SH3GL3: variants seen among roughly 807,000 people sequenced by gnomAD.
SH3GL3 encodes the protein SH3 domain containing GRB2 like 3, endophilin A3.
In SH3GL3, 33 loss-of-function variants were observed where a neutral mutation model predicts 47.7. That is an observed-to-expected ratio of 0.69 (90% CI 0.52 to 0.92). The LOEUF (loss-of-function observed/expected upper bound fraction) is 0.92, where lower values mean the gene tolerates loss of function less well. Ranked by LOEUF, SH3GL3 falls within the 40% of genes least tolerant of loss-of-function variation. The probability of loss-of-function intolerance (pLI) is 0.00; values close to 1 mark genes in which losing one functional copy is unlikely to be tolerated. For missense variants in SH3GL3, 363 were observed against 417.8 expected (o/e 0.87, Z 1.14); for synonymous variants, 155 against 148.8 (o/e 1.04, Z -0.30).
downstream of SH3GL3, among the ~76,000 whole-genome samples, chr15:83,620,933 T>G (rs574249961): frequency 2.6e-4 from 39 of 152,326 alleles, no homozygotes; most frequent in Non-Finnish European, 5.3e-4. Context: ...TCTGGATAAC[T>G]TACTTCTCCA....
Position 83,447,963 on chromosome 15 carries a change from CG to C in SH3GL3, c.45+386del, listed in dbSNP as rs1462551797. On this transcript the variant is annotated intron_variant, in intron 1 of 8. Coordinates refer to ENST00000427482, the MANE Select transcript of SH3GL3 (RefSeq NM_003027.5). The surrounding 1 kb of genome is among the most constrained non-coding windows in gnomAD (Gnocchi z 5.1). ...GCAGGGCCTCCCCCGAGTCTCCAGC[CG>C]TTTGGTTGGGAGAGCCTCGTGGGGG... Among the ~76,000 whole-genome samples, 1 of 152,132 alleles carries C rather than the reference CG, an allele frequency of 6.6e-6. No homozygotes were observed. The highest frequency in any genetic ancestry group is 1.5e-5 in the Non-Finnish European group (1 of 68,022).
At chr15:83,591,525 G>A (rs2060098425) in intron 8 of SH3GL3, among the ~76,000 whole-genome samples, 1 of 150,850 alleles carries the variant, frequency 6.6e-6, no homozygotes, top group Non-Finnish European at 1.5e-5. Context: ...TGTGTATGTA[G>A]TTTAAAAAGA....
chr15:83,485,540 G>A (rs769320187), intron 1 of SH3GL3, among the ~76,000 whole-genome samples: 1 of 152,112 alleles, frequency 6.6e-6, no homozygotes, highest in African/African-American at 2.4e-5. Flanking sequence ...CTAGAGTACA[G>A]CAGCATGATC....
At chr15:83,535,955 T>C (rs1240822236) in intron 1 of SH3GL3, among the ~76,000 whole-genome samples, 1 of 152,188 alleles carries the variant, frequency 6.6e-6, no homozygotes, top group African/African-American at 2.4e-5. Flanking sequence ...ATTGCCCAAC[T>C]TGGAGAAGTT....
intron 6 of SH3GL3, 123 bp from the exon 7 acceptor site, chr15:83,586,860 G>T: frequency 2.0e-6 from 1 of 510,140 alleles, no homozygotes. Flanking sequence ...GAAATTAAAT[G>T]AAATGGACCA....
intron 8 of SH3GL3, among the ~76,000 whole-genome samples, chr15:83,601,562 G>GATT (rs1264870495): frequency 1.3e-5 from 2 of 152,136 alleles, no homozygotes; most frequent in Non-Finnish European, 2.9e-5. Flanking sequence ...GATTGTGGTG[G>GATT]ATTATCTTTT....
chr15:83,621,654 A>C (rs988317904), downstream of SH3GL3, among the ~76,000 whole-genome samples: 1 of 152,268 alleles, frequency 6.6e-6, no homozygotes, highest in African/African-American at 2.4e-5. Flanking sequence ...CTGTTGAAAA[A>C]ATAACGCCGA....
intron 8 of SH3GL3, among the ~76,000 whole-genome samples, chr15:83,606,086 C>T (rs1280292730): frequency 1.3e-5 from 2 of 151,978 alleles, no homozygotes; most frequent in African/African-American, 4.8e-5. Flanking sequence ...AGGGGTACCA[C>T]TTTGTGTAAT....
At chr15:83,524,089 G>A (rs940258201) in intron 1 of SH3GL3, among the ~76,000 whole-genome samples, 17 of 152,286 alleles carry the variant, frequency 1.1e-4, no homozygotes, top group African/African-American at 4.1e-4. Flanking sequence ...GCAGTATTAG[G>A]AAGTGAATAT....
chr15:83,546,282 CAGA>C (rs1567323708), intron 1 of SH3GL3, among the ~76,000 whole-genome samples: 4 of 151,734 alleles, frequency 2.6e-5, no homozygotes, highest in Admixed American at 6.6e-5. Context: ...TTTCCTCAAG[CAGA>C]AGGAGTCTCT....
the SH3GL3 span, among the ~76,000 whole-genome samples, chr15:83,624,548 T>A: frequency 6.6e-6 from 1 of 152,220 alleles, no homozygotes; most frequent in Non-Finnish European, 1.5e-5. Context: ...ATTAAAGAGA[T>A]GTCAGAGCAT....
At chr15:83,630,855 A>G in the SH3GL3 span, among the ~76,000 whole-genome samples, 1 of 152,066 alleles carries the variant, frequency 6.6e-6, no homozygotes, top group South Asian at 2.1e-4. Context: ...CACAGCTCAA[A>G]ACACAATCAT....
In SH3GL3 at chr15:83,618,074, G is replaced by A. The variant is rs1455539417; in HGVS notation, c.839-8G>A. 1 of 1,593,494 alleles carries A rather than the reference G, an allele frequency of 6.3e-7. No individual in the cohort carries two copies. The highest frequency in any genetic ancestry group is 1.1e-5 in the South Asian group (1 of 90,654). ...TCTGTACTTTTTGTCTCCATATCAT[G>A]TGGACAGGTTCTAACATTCCCATGG... On this transcript the variant is annotated splice_polypyrimidine_tract_variant and splice_region_variant and intron_variant, in intron 8 of 8. Coordinates refer to ENST00000427482, the MANE Select transcript of SH3GL3 (RefSeq NM_003027.5).
intron 1 of SH3GL3, among the ~76,000 whole-genome samples, chr15:83,513,438 C>T (rs549517409): frequency 2.0e-4 from 31 of 152,344 alleles, no homozygotes; most frequent in Middle Eastern, 3.4e-3. Context: ...GGATGTGTCA[C>T]CCTCTGTCCC....
intron 1 of SH3GL3, among the ~76,000 whole-genome samples, chr15:83,463,390 T>C (rs2040400612): frequency 6.6e-6 from 1 of 151,958 alleles, no homozygotes; most frequent in African/African-American, 2.4e-5. Flanking sequence ...CATGAGCTTA[T>C]CCTTTTTGTC....
At chr15:83,457,947 A>AT (rs972718204) in intron 1 of SH3GL3, among the ~76,000 whole-genome samples, 4 of 152,154 alleles carry the variant, frequency 2.6e-5, no homozygotes, top group African/African-American at 4.8e-5. Context: ...GAAAGCAGGG[A>AT]TTTTTTTCCC....
At chr15:83,460,994 A>C (rs1429506341) in intron 1 of SH3GL3, among the ~76,000 whole-genome samples, 1 of 152,040 alleles carries the variant, frequency 6.6e-6, no homozygotes, top group African/African-American at 2.4e-5. Context: ...GAGGCAGGAG[A>C]ATGGTGTGAA....
intron 8 of SH3GL3, among the ~76,000 whole-genome samples, chr15:83,590,757 A>G (rs2060072598): frequency 6.6e-6 from 1 of 152,030 alleles, no homozygotes; most frequent in Non-Finnish European, 1.5e-5. Context: ...TCCATTTTCT[A>G]ATTGGATTGT....
chr15:83,544,354 T>C (rs936482777), intron 1 of SH3GL3, among the ~76,000 whole-genome samples: 1 of 152,116 alleles, frequency 6.6e-6, no homozygotes, highest in Non-Finnish European at 1.5e-5. Flanking sequence ...TTTTATTCCA[T>C]TGTGGTCAGA....
Sources: allele counts gnomAD v4.1 joint callset (sites outside exome capture counted in the v4.1 genomes callset), GRCh38; gene constraint gnomAD v4.1.1; non-coding constraint Gnocchi (gnomAD v3.1); transcripts MANE v1.5; gene names NCBI Gene and HGNC (gene_info 2026-07-23, HGNC 2026-07-21).